CD109: variants seen among roughly 807,000 people sequenced by gnomAD.
CD109 encodes the protein CD109 molecule, also known as CD109 antigen.
Under a neutral mutation model 165.8 loss-of-function variants are expected in CD109, and 149 were observed. The ratio of observed to expected loss-of-function variants is 0.90; its 90% CI spans 0.79 to 1.03. CD109 has a LOEUF of 1.03. Ranked by LOEUF, CD109 falls within the 50% of genes least tolerant of loss-of-function variation. CD109 has a pLI of 0.00. For synonymous variants in CD109, 585 were observed against 592.1 expected, an observed-to-expected ratio of 0.99 and a Z score of 0.18; for missense variants, 1,712 against 1,677.8, an observed-to-expected ratio of 1.02 and a Z score of -0.36.
At chr6:73,687,455 C>T in the CD109 span, among the ~76,000 whole-genome samples, 2 of 149,642 alleles carry the variant, frequency 1.3e-5, no homozygotes, top group African/African-American at 4.9e-5. Flanking sequence ...TCCCCCTCCC[C>T]TTCCCTACCC....
intron 5 of CD109, 21 bp downstream of exon 5, chr6:73,736,529 T>TG: frequency 1.9e-6 from 3 of 1,598,908 alleles, no homozygotes; most frequent in East Asian, 2.3e-5. Flanking sequence ...ATATATTTTT[T>TG]GGGGGGAATG....
chr6:73,717,703 T>C (rs1771792947), intron 2 of CD109, among the ~76,000 whole-genome samples: 1 of 133,444 alleles, frequency 7.5e-6, no homozygotes, highest in Non-Finnish European at 1.6e-5. Context: ...CACTGCAAAC[T>C]CCGCCTCCCG....
chr6:73,804,681 A>G (rs1275565158), intron 24 of CD109, among the ~76,000 whole-genome samples: 1 of 152,004 alleles, frequency 6.6e-6, no homozygotes, highest in Admixed American at 6.6e-5. Context: ...GAAAAATATC[A>G]TTTTCCCCAC....
chr6:73,789,771 T>C (rs1304366325), intron 22 of CD109, among the ~76,000 whole-genome samples: 2 of 150,132 alleles, frequency 1.3e-5, no homozygotes, highest in African/African-American at 2.5e-5. Context: ...TTTTTTTTTT[T>C]TTTTCCTTTG....
At position 73,729,496 on chromosome 6, in the gene CD109, T is replaced by C. The variant is rs1368636761; in HGVS notation, c.277-848T>C. ...TAGAAGGTAGGACTTCTATTGTTATTATTATTATTATTATTATTATTATTA... is the reference window on the plus strand; with the variant it reads ...TAGAAGGTAGGACTTCTATTGTTATCATTATTATTATTATTATTATTATTA... On this transcript the variant is annotated intron_variant, in intron 3 of 32. Transcript: ENST00000287097. 1.8e-3 allele frequency among the ~76,000 whole-genome samples: 113 copies of C among 64,186 alleles called. 1 individual carries two copies. The highest frequency in any genetic ancestry group is 0.014 in the Admixed American group (112 of 7,884). The allele number at this position is 64,186 out of a possible 152,430, so 42.1% of individuals were successfully genotyped here. A position where few individuals can be genotyped will look rare whatever the true frequency, so the allele number is the denominator to read the frequency against.
At chr6:73,709,440 C>T (rs1227928160) in intron 2 of CD109, among the ~76,000 whole-genome samples, 1 of 152,110 alleles carries the variant, frequency 6.6e-6, no homozygotes, top group African/African-American at 2.4e-5. Flanking sequence ...AGCATGATGC[C>T]TCCAGCTTTG....
chr6:73,711,941 A>C (rs2150156844), intron 2 of CD109, among the ~76,000 whole-genome samples: 1 of 152,370 alleles, frequency 6.6e-6, no homozygotes, highest in South Asian at 2.1e-4. Context: ...TAGTATAAAC[A>C]TCAGCCAAAT....
chr6:73,781,812 C>T (rs4131545), intron 17 of CD109, among the ~76,000 whole-genome samples: 55,264 of 146,442 alleles, frequency 0.38, 10,615 homozygotes, highest in African/African-American at 0.46. Context: ...TAGACACACA[C>T]GCAGACACAC....
At chr6:73,814,879 T>C (rs1166893759) in intron 29 of CD109, 102 bp from the exon 30 acceptor site, 2 of 684,878 alleles carry the variant, frequency 2.9e-6, no homozygotes, top group Non-Finnish European at 4.3e-6. Context: ...AAAATCTTAC[T>C]GGGTCCATCC....
At chr6:73,758,350 A>G (rs1308355198) in intron 6 of CD109, among the ~76,000 whole-genome samples, 1 of 152,180 alleles carries the variant, frequency 6.6e-6, no homozygotes, top group East Asian at 1.9e-4. Context: ...TATATCAATT[A>G]TAGTATTAGT....
intron 25 of CD109, among the ~76,000 whole-genome samples, chr6:73,807,737 G>T (rs759732994): frequency 5.9e-5 from 9 of 152,236 alleles, no homozygotes; most frequent in African/African-American, 1.9e-4. Context: ...ACTTAGGGCC[G>T]CACTACCAGA....
intron 23 of CD109, among the ~76,000 whole-genome samples, chr6:73,801,723 G>T (rs1775366518): frequency 6.6e-6 from 1 of 152,122 alleles, no homozygotes; most frequent in African/African-American, 2.4e-5. Context: ...TATAGTTCTG[G>T]ATGCTTCTAA....
intron 14 of CD109, among the ~76,000 whole-genome samples, chr6:73,769,717 A>T (rs1487291624): frequency 6.6e-6 from 1 of 152,258 alleles, no homozygotes; most frequent in Non-Finnish European, 1.5e-5. Context: ...TTTAGAAATC[A>T]TCCACACAGA....
chr6:73,762,858 A>C lies in CD109; in HGVS notation c.973A>C (p.Thr325Pro). ...LSSPGPVEIL[T>P]TVTESVTGIS... ...TTCCCCTGGACCAGTAGAAATTTTAACCACAGTGACAGAATCAGTTACAGG... is the reference window on the plus strand; with the variant it reads ...TTCCCCTGGACCAGTAGAAATTTTACCCACAGTGACAGAATCAGTTACAGG... The change falls in exon 9 of 33, where the codon ACC becomes CCC. Residue 325 changes from threonine to proline, a missense_variant. Coordinates refer to ENST00000287097, the MANE Select transcript of CD109 (RefSeq NM_133493.5). The C allele has an allele frequency of 1.2e-6, 2 of 1,611,796 alleles. No individual in the cohort carries two copies. Among genetic ancestry groups the C allele is most frequent in the Non-Finnish European group, 1.7e-6 (2 of 1,179,442 alleles).
rs1776170312 is a variant in CD109 at position 73,823,440 on chromosome 6, G to A, written c.4163-18G>A. 1 of 1,590,976 alleles carries A rather than the reference G, an allele frequency of 6.3e-7. No individual in the cohort carries two copies. The highest frequency in any genetic ancestry group is 8.6e-7 in the Non-Finnish European group (1 of 1,163,234). ...AAACAAGGGAGCCGTGTGAACTGATGTCTGCTTCTTTGAACAGGGAGACAG... is the reference window on the plus strand; with the variant it reads ...AAACAAGGGAGCCGTGTGAACTGATATCTGCTTCTTTGAACAGGGAGACAG... On this transcript the variant is annotated intron_variant, in intron 32 of 32. Transcript: ENST00000287097.
At chr6:73,723,950 G>A (rs76483132) in intron 3 of CD109, among the ~76,000 whole-genome samples, 6 of 152,164 alleles carry the variant, frequency 3.9e-5, no homozygotes, top group South Asian at 4.1e-4. Context: ...CTGTCGTAAT[G>A]AGCCTTCTAG....
chr6:73,715,482 T>C (rs1470060695), intron 2 of CD109, among the ~76,000 whole-genome samples: 1 of 151,048 alleles, frequency 6.6e-6, no homozygotes, highest in East Asian at 1.9e-4. Flanking sequence ...GGAAGATCGC[T>C]TGAGTCCAGG....
the CD109 span, among the ~76,000 whole-genome samples, chr6:73,679,544 C>A: frequency 6.0e-5 from 9 of 151,052 alleles, 1 homozygote; most frequent in South Asian, 1.9e-3. Flanking sequence ...TATTTCAGTA[C>A]TAGCAACAAT....
intron 7 of CD109, among the ~76,000 whole-genome samples, chr6:73,760,977 T>C (rs1334923458): frequency 6.7e-6 from 1 of 148,500 alleles, no homozygotes; most frequent in Non-Finnish European, 1.5e-5. Flanking sequence ...ATCATGCCAC[T>C]GCATCCAGCC....
Sources: allele counts gnomAD v4.1 joint callset (sites outside exome capture counted in the v4.1 genomes callset), GRCh38; gene constraint gnomAD v4.1.1; transcripts MANE v1.5; gene names NCBI Gene and HGNC (gene_info 2026-07-23, HGNC 2026-07-21).